The following FGF12 variants were observed in gnomAD, a reference collection of about 807,000 sequenced individuals.
FGF12 encodes fibroblast growth factor 12B.
In FGF12, 14 loss-of-function variants were observed where a neutral mutation model predicts 23.6. The observed-to-expected ratio is 0.59, with a 90% CI of 0.39 to 0.93. FGF12 has a LOEUF of 0.93. Among genes scored for constraint, FGF12 ranks in the 40% least tolerant of loss-of-function variants. FGF12 has a pLI of 0.00. For synonymous variants in FGF12, 62 were observed against 77.3 expected (o/e 0.80, Z 1.04); for missense variants, 175 against 217.8 (o/e 0.80, Z 1.24).
intron 4 of FGF12, among the ~76,000 whole-genome samples, chr3:192,206,144 C>A (rs1717639449): frequency 6.6e-6 from 1 of 152,226 alleles, no homozygotes; most frequent in South Asian, 2.1e-4. Flanking sequence ...CATCACTCCA[C>A]TATCTTCATG....
chr3:192,379,223 A>G (rs540961200), intron 2 of FGF12, among the ~76,000 whole-genome samples: 1 of 152,320 alleles, frequency 6.6e-6, no homozygotes, highest in East Asian at 1.9e-4. Context: ...TTCAGCTTCC[A>G]TAATTCATAC....
At chr3:192,224,942 T>C (rs1029804854) in intron 4 of FGF12, among the ~76,000 whole-genome samples, 8 of 152,022 alleles carry the variant, frequency 5.3e-5, no homozygotes, top group Non-Finnish European at 1.0e-4. Context: ...CCTGATACCA[T>C]ACCCGGAATT....
intron 2 of FGF12, among the ~76,000 whole-genome samples, chr3:192,684,904 G>C (rs1432973124): frequency 6.6e-6 from 1 of 152,162 alleles, no homozygotes; most frequent in African/African-American, 2.4e-5. Flanking sequence ...GGATGAGGGA[G>C]ACTGACCTTG....
intron 4 of FGF12, among the ~76,000 whole-genome samples, chr3:192,198,946 T>C (rs190598501): frequency 7.9e-5 from 12 of 152,304 alleles, no homozygotes; most frequent in African/African-American, 2.4e-4. Context: ...TTATATAATC[T>C]TTTCATTCTG....
At chr3:192,167,761 A>ATATATATC (rs1715282593) in intron 5 of FGF12, among the ~76,000 whole-genome samples, 2 of 33,464 alleles carry the variant, frequency 6.0e-5, no homozygotes, top group Non-Finnish European at 1.1e-4. Flanking sequence ...ATATATATAT[A>ATATATATC]TATATATAAA....
At chr3:192,618,187 T>C (rs1714834259) in intron 2 of FGF12, among the ~76,000 whole-genome samples, 1 of 150,624 alleles carries the variant, frequency 6.6e-6, no homozygotes, top group Admixed American at 6.6e-5. Flanking sequence ...TCTGATTTTA[T>C]AATGGAATCA....
intron 4 of FGF12, among the ~76,000 whole-genome samples, chr3:192,237,243 T>G (rs1311716201): frequency 1.3e-5 from 2 of 152,178 alleles, no homozygotes. Context: ...AACCTGCCCC[T>G]TATTTCTAGC....
rs142704508 is a variant in FGF12, at chr3:192,646,551, C to T, written c.13+80630G>A. Among the ~76,000 whole-genome samples the T allele has an allele frequency of 3.9e-3, 589 of 152,218 alleles. 8 individuals are homozygous for T. Among genetic ancestry groups the T allele is most frequent in the African/African-American group, 0.013 (555 of 41,542 alleles). On this transcript the variant is annotated intron_variant, in intron 2 of 5. Coordinates refer to ENST00000445105, the MANE Select transcript of FGF12 (RefSeq NM_004113.6). The stretch of plus-strand genomic sequence containing the variant: ...TTTAGGTATGCAAAAGAATGAAATA[C>T]TGATATGTACTGCAAGAATGACCCT...
intron 2 of FGF12, among the ~76,000 whole-genome samples, chr3:192,618,300 C>T (rs1714840444): frequency 6.6e-6 from 1 of 151,660 alleles, no homozygotes; most frequent in Non-Finnish European, 1.5e-5. Flanking sequence ...GAGAATGCTA[C>T]TGCTGATAGA....
intron 2 of FGF12, among the ~76,000 whole-genome samples, chr3:192,455,833 A>G (rs891998249): frequency 6.6e-6 from 1 of 152,202 alleles, no homozygotes; most frequent in Non-Finnish European, 1.5e-5. Flanking sequence ...CCTCCATGAT[A>G]CCAAATGTCA....
chr3:192,247,406 T>G (rs1012647233), intron 4 of FGF12, among the ~76,000 whole-genome samples: 6 of 152,260 alleles, frequency 3.9e-5, no homozygotes, highest in Non-Finnish European at 7.4e-5. Flanking sequence ...GTCACTGTAT[T>G]TTGCAGTCAC....
chr3:192,718,161 CTTTTTTTTTTTTTTT>C (rs71177369), intron 2 of FGF12, among the ~76,000 whole-genome samples: 1 of 77,970 alleles, frequency 1.3e-5, no homozygotes, highest in African/African-American at 4.9e-5. Context: ...GTTAGTCTTT[CTTTTTTTTTTTTTTT>C]TTTTTTTTTA....
chr3:192,463,690 C>T (rs1366559799), intron 2 of FGF12, among the ~76,000 whole-genome samples: 2 of 152,144 alleles, frequency 1.3e-5, no homozygotes, highest in Non-Finnish European at 2.9e-5. Context: ...CGGAACTCTG[C>T]TTCCAGAAGC....
At chr3:192,597,966 G>A (rs73203364) in intron 2 of FGF12, among the ~76,000 whole-genome samples, 1,982 of 152,284 alleles carry the variant, frequency 0.013, 27 homozygotes, top group Non-Finnish European at 0.021. Flanking sequence ...AGTGGGTAAC[G>A]AAGGTTGGGT....
chr3:192,189,999 G>A (rs1232302154), intron 4 of FGF12, among the ~76,000 whole-genome samples: 1 of 152,116 alleles, frequency 6.6e-6, no homozygotes, highest in Non-Finnish European at 1.5e-5. Flanking sequence ...AGGTGGAATT[G>A]TCCACTTTTT....
intron 4 of FGF12, among the ~76,000 whole-genome samples, chr3:192,188,892 G>A (rs1316182872): frequency 6.6e-6 from 1 of 152,168 alleles, no homozygotes; most frequent in Non-Finnish European, 1.5e-5. Flanking sequence ...GGTTTTTCAA[G>A]TTCACAACAT....
At chr3:192,272,324 G>C (rs1020464301) in intron 4 of FGF12, among the ~76,000 whole-genome samples, 1 of 152,132 alleles carries the variant, frequency 6.6e-6, no homozygotes, top group Admixed American at 6.6e-5. Context: ...TTGCAGACAA[G>C]GAAAGGGGAC....
intron 2 of FGF12, among the ~76,000 whole-genome samples, chr3:192,552,552 T>C (rs557553516): frequency 6.6e-6 from 1 of 151,810 alleles, no homozygotes; most frequent in African/African-American, 2.4e-5. Flanking sequence ...AACCCTCATA[T>C]GAAGGGAAAA....
intron 2 of FGF12, among the ~76,000 whole-genome samples, chr3:192,367,339 A>G (rs1203953379): frequency 6.6e-6 from 1 of 152,196 alleles, no homozygotes; most frequent in African/African-American, 2.4e-5. Context: ...CTGTATTAAC[A>G]TTTAATGTTG....
Sources: gnomAD v4.1 joint callset for allele counts (sites outside exome capture counted in the v4.1 genomes callset) on GRCh38, gnomAD v4.1.1 for gene constraint, MANE v1.5 for transcripts, NCBI Gene and HGNC (gene_info 2026-07-23, HGNC 2026-07-21) for gene names.